The following LRRC4C variants were observed in gnomAD, a reference collection of about 807,000 sequenced individuals.
LRRC4C encodes leucine-rich repeat-containing protein 4C.
In LRRC4C, 5 loss-of-function variants were observed where a neutral mutation model predicts 33.6. The ratio of observed to expected loss-of-function variants is 0.15; its 90% CI spans 0.08 to 0.31. The LOEUF (loss-of-function observed/expected upper bound fraction) is 0.31, where lower values mean the gene tolerates loss of function less well. Among genes scored for constraint, LRRC4C ranks in the 10% least tolerant of loss-of-function variants. LRRC4C has a pLI of 1.00. For missense variants in LRRC4C, 560 were observed against 796.7 expected (o/e 0.70, Z 3.58); for synonymous variants, 329 against 302.0 (o/e 1.09, Z -0.93).
chr11:40,302,234 T>C lies in LRRC4C; in HGVS notation c.-176+17394A>G, dbSNP rs541202669. On this transcript the variant is annotated intron_variant, in intron 4 of 6. Transcript: ENST00000528697. Reference sequence around the variant, plus strand: ...TTTGACATTTTATCACAACCTTCAATTGACAATCTTGAAAAGGATTTCTAG... The same window carrying C: ...TTTGACATTTTATCACAACCTTCAACTGACAATCTTGAAAAGGATTTCTAG... Among the ~76,000 whole-genome samples, 34 of 152,344 alleles carry C rather than the reference T, an allele frequency of 2.2e-4. No homozygotes were observed. In the Middle Eastern group the frequency reaches 0.017, roughly 76 times the overall value.
At chr11:40,692,945 C>T (rs1237223951) in intron 2 of LRRC4C, among the ~76,000 whole-genome samples, 1 of 151,984 alleles carries the variant, frequency 6.6e-6, no homozygotes. Context: ...AAAATTAGAG[C>T]AAATGCCCTA....
chr11:40,918,764 C>A (rs1365279162), intron 2 of LRRC4C, among the ~76,000 whole-genome samples: 3 of 152,120 alleles, frequency 2.0e-5, no homozygotes, highest in Non-Finnish European at 4.4e-5. Flanking sequence ...GGGCCTATAG[C>A]ATGGGTCTCA....
intron 1 of LRRC4C, among the ~76,000 whole-genome samples, chr11:41,064,575 T>C (rs1336842275): frequency 6.6e-6 from 1 of 152,224 alleles, no homozygotes; most frequent in South Asian, 2.1e-4. Flanking sequence ...CTTAGGGATA[T>C]GGTTTGGCTC....
chr11:40,203,444 A>G (rs1223944092), intron 5 of LRRC4C, among the ~76,000 whole-genome samples: 1 of 152,162 alleles, frequency 6.6e-6, no homozygotes, highest in Non-Finnish European at 1.5e-5. Flanking sequence ...CCTTTCTTCC[A>G]TTCAAATGCA....
intron 3 of LRRC4C, among the ~76,000 whole-genome samples, chr11:40,637,771 G>C (rs1022356913): frequency 3.3e-5 from 5 of 152,126 alleles, no homozygotes; most frequent in African/African-American, 1.2e-4. Flanking sequence ...ACATGGATTA[G>C]AGCAATAGTC....
intron 2 of LRRC4C, among the ~76,000 whole-genome samples, chr11:40,671,017 C>T (rs1041271610): frequency 1.3e-5 from 2 of 152,198 alleles, no homozygotes; most frequent in African/African-American, 4.8e-5. Flanking sequence ...CCCGCCTTGG[C>T]CTCCCAAGGT....
chr11:40,614,417 T>C (rs1961547583), intron 3 of LRRC4C, among the ~76,000 whole-genome samples: 1 of 75,064 alleles, frequency 1.3e-5, no homozygotes, highest in Non-Finnish European at 3.6e-5. Context: ...TTTCTAATCA[T>C]ATAATTAAAG....
rs1956888959 is a variant in LRRC4C, at chr11:40,545,798, C to CA, written c.-270+102343dup. On this transcript the variant is annotated intron_variant, in intron 3 of 6. Transcript: ENST00000528697. The stretch of plus-strand genomic sequence containing the variant: ...AGAGCCTTGGTCAACAAAATTATGT[C>CA]AAAAAAATAATTCAGGGTTCACCTA... Among the ~76,000 whole-genome samples the CA allele has an allele frequency of 2.0e-5, 3 of 151,788 alleles. No homozygotes were observed. The South Asian group carries it at 6.2e-4, about 32-fold the overall frequency.
At chr11:40,346,707 G>GT (rs1023687629) in intron 3 of LRRC4C, among the ~76,000 whole-genome samples, 3 of 152,052 alleles carry the variant, frequency 2.0e-5, no homozygotes, top group Non-Finnish European at 2.9e-5. Context: ...TAAAATAAAC[G>GT]TTTTTTTAAA....
chr11:40,215,044 A>T (rs1244409952), intron 5 of LRRC4C, among the ~76,000 whole-genome samples: 1 of 152,108 alleles, frequency 6.6e-6, no homozygotes, highest in Non-Finnish European at 1.5e-5. Flanking sequence ...CAATGATGCA[A>T]ATCTGCCACT....
chr11:40,815,041 C>T (rs1403798585), intron 2 of LRRC4C, among the ~76,000 whole-genome samples: 2 of 152,142 alleles, frequency 1.3e-5, no homozygotes, highest in Non-Finnish European at 2.9e-5. Flanking sequence ...CAGTAGCACA[C>T]ACTCTAATAG....
At chr11:41,072,203 G>A (rs1279272315) in intron 1 of LRRC4C, among the ~76,000 whole-genome samples, 6 of 149,032 alleles carry the variant, frequency 4.0e-5, no homozygotes, top group East Asian at 2.0e-4. Context: ...GAAATTTGTG[G>A]ATAAAATGCT....
At chr11:40,251,085 A>T (rs1866752063) in intron 4 of LRRC4C, among the ~76,000 whole-genome samples, 1 of 152,176 alleles carries the variant, frequency 6.6e-6, no homozygotes. Context: ...GCAAGAAACA[A>T]ATGCATAAAC....
chr11:40,790,301 G>A (rs1330681958), intron 2 of LRRC4C, among the ~76,000 whole-genome samples: 2 of 152,128 alleles, frequency 1.3e-5, no homozygotes, highest in Non-Finnish European at 2.9e-5. Flanking sequence ...GTTCTACACA[G>A]ACATTGGCAT....
intron 5 of LRRC4C, among the ~76,000 whole-genome samples, chr11:40,200,474 T>C (rs1305257528): frequency 6.6e-6 from 1 of 152,018 alleles, no homozygotes; most frequent in Non-Finnish European, 1.5e-5. Context: ...GGTAATTCTC[T>C]GACTTTCCCC....
At chr11:40,342,051 T>A (rs1590373014) in intron 3 of LRRC4C, among the ~76,000 whole-genome samples, 1 of 152,102 alleles carries the variant, frequency 6.6e-6, no homozygotes, top group East Asian at 1.9e-4. Context: ...AAAGCTTATC[T>A]GTAGCCAAGT....
intron 3 of LRRC4C, among the ~76,000 whole-genome samples, chr11:40,524,817 C>T (rs1352127384): frequency 4.6e-5 from 7 of 152,160 alleles, no homozygotes; most frequent in African/African-American, 1.7e-4. Context: ...AGATATGGTC[C>T]TACCCTTTTG....
At chr11:40,152,782 C>T (rs1424362516) in intron 5 of LRRC4C, among the ~76,000 whole-genome samples, 2 of 152,138 alleles carry the variant, frequency 1.3e-5, no homozygotes, top group African/African-American at 4.8e-5. Flanking sequence ...GCAGCCACAG[C>T]AAGACATGCC....
chr11:40,295,842 A>G (rs935829514), intron 4 of LRRC4C, among the ~76,000 whole-genome samples: 4 of 152,240 alleles, frequency 2.6e-5, no homozygotes, highest in Admixed American at 2.0e-4. Flanking sequence ...GATTCAAAAC[A>G]CTAGTGGGCA....
Sources: allele counts gnomAD v4.1 joint callset (sites outside exome capture counted in the v4.1 genomes callset), GRCh38; gene constraint gnomAD v4.1.1; transcripts MANE v1.5; gene names NCBI Gene and HGNC (gene_info 2026-07-23, HGNC 2026-07-21).